Variants in TTC23 observed in about 807,000 individuals in gnomAD.
The protein encoded by TTC23 is tetratricopeptide repeat domain 23.
TTC23 carries 58 observed loss-of-function variants against 55.1 expected under a neutral mutation model. The observed-to-expected ratio is 1.05, with a 90% CI of 0.85 to 1.31. TTC23 has a LOEUF of 1.31. Among genes scored for constraint, TTC23 ranks in the 50% most tolerant of loss-of-function variants. The pLI, the probability that TTC23 is intolerant of heterozygous loss-of-function variation, is 0.00. For synonymous variants in TTC23, 203 were observed against 199.9 expected (o/e 1.02, Z -0.13); for missense variants, 516 against 534.4 (o/e 0.97, Z 0.34).
rs777380832 is a variant in TTC23, at chr15:99,228,745, TAAA to T, written c.-20-16_-20-14del. On this transcript the variant is annotated splice_polypyrimidine_tract_variant and intron_variant, in intron 4 of 13. Transcript: ENST00000394132. ...TATACATTGTCTTCTAATTTTAAAATAAAAAACAAAGATGTTAAATGATAATTT... is the reference window on the plus strand; with the variant it reads ...TATACATTGTCTTCTAATTTTAAAATAAACAAAGATGTTAAATGATAATTT... The T allele has an allele frequency of 1.3e-6, 2 of 1,511,484 alleles. No homozygotes were observed. The highest frequency in any genetic ancestry group is 1.8e-6 in the Non-Finnish European group (2 of 1,121,130). The allele number at this position is 1,511,484 out of a possible 1,614,324, so 93.6% of individuals were successfully genotyped here. A position where few individuals can be genotyped will look rare whatever the true frequency, so the allele number is the denominator to read the frequency against.
intron 12 of TTC23, among the ~76,000 whole-genome samples, chr15:99,152,614 T>A (rs141684466): frequency 1.3e-4 from 20 of 152,240 alleles, no homozygotes; most frequent in Admixed American, 9.8e-4. Flanking sequence ...TCAGGTGATC[T>A]GCCCAGCTCA....
chr15:99,142,277 A>G (rs1050111057), intron 12 of TTC23, among the ~76,000 whole-genome samples: 2 of 152,192 alleles, frequency 1.3e-5, no homozygotes, highest in Admixed American at 1.3e-4. Flanking sequence ...ACAGAGCAAG[A>G]GAGGCAAGAT....
At chr15:99,193,372 T>C (rs1375328178) in intron 9 of TTC23, among the ~76,000 whole-genome samples, 1 of 152,202 alleles carries the variant, frequency 6.6e-6, no homozygotes, top group South Asian at 2.1e-4. Flanking sequence ...TGGTGGGAGA[T>C]AACTGAATCA....
chr15:99,234,204 C>T (rs2079132573), intron 4 of TTC23, among the ~76,000 whole-genome samples: 1 of 152,046 alleles, frequency 6.6e-6, no homozygotes, highest in South Asian at 2.1e-4. Context: ...TAAATTTTTG[C>T]TCTTCAAGAG....
rs1279871495 is a variant in TTC23, at chr15:99,200,204, T to C, written c.582-108A>G. 4 of 1,039,510 alleles carry C rather than the reference T, an allele frequency of 3.8e-6. No individual in the cohort carries two copies. The East Asian group carries it at 8.4e-5, about 22-fold the overall frequency. 64.4% of individuals were successfully genotyped at this position (1,039,510 alleles called of 1,614,324 possible). A position where few individuals can be genotyped will look rare whatever the true frequency, so the allele number is the denominator to read the frequency against. ...GACTCTTTGATCCCTGGTGTTCAGG[T>C]TCGTTTCCTTGCTAACTAAGCATTT... is the stretch of plus-strand genomic sequence containing the variant. On this transcript the variant is annotated intron_variant, in intron 8 of 13. Coordinates refer to ENST00000394132, the MANE Select transcript of TTC23 (RefSeq NM_001288615.3).
intron 2 of TTC23, among the ~76,000 whole-genome samples, chr15:99,243,823 G>C (rs571817538): frequency 5.3e-5 from 8 of 152,284 alleles, no homozygotes; most frequent in African/African-American, 1.7e-4. Flanking sequence ...CAGAAGCTGG[G>C]AAGGGTATTG....
intron 12 of TTC23, 43 bp from the exon 13 acceptor site, chr15:99,139,442 G>C: frequency 6.2e-7 from 1 of 1,612,880 alleles, no homozygotes; most frequent in Non-Finnish European, 8.5e-7. Context: ...TGGAAGTGTC[G>C]CTGAGAGCAG....
chr15:99,237,208 C>G (rs1371660104), intron 3 of TTC23, among the ~76,000 whole-genome samples: 1 of 152,084 alleles, frequency 6.6e-6, no homozygotes, highest in Non-Finnish European at 1.5e-5. Flanking sequence ...TCTCAAACTC[C>G]TGACCTTAAG....
At position 99,202,229 on chromosome 15, in the gene TTC23, T is replaced by TC. The variant is rs2076257297; in HGVS notation, c.582-2134dup. 3.9e-5 allele frequency among the ~76,000 whole-genome samples: 6 copies of TC among 152,202 alleles called. No homozygotes were observed. In the South Asian group the frequency reaches 1.2e-3, roughly 32 times the overall value. The stretch of plus-strand genomic sequence containing the variant: ...CTTCTAAAATGATTTCAGATTTTTT[T>TC]CCACCTAATTTAGCCTAGAGAACTC... On this transcript the variant is annotated intron_variant, in intron 8 of 13. Coordinates refer to ENST00000394132, the MANE Select transcript of TTC23 (RefSeq NM_001288615.3).
intron 9 of TTC23, among the ~76,000 whole-genome samples, chr15:99,192,329 C>G (rs999760614): frequency 1.3e-5 from 2 of 152,158 alleles, no homozygotes; most frequent in African/African-American, 4.8e-5. Flanking sequence ...TGCACAGTCC[C>G]TCCCATCACA....
intron 10 of TTC23, among the ~76,000 whole-genome samples, chr15:99,166,541 G>A (rs1307433243): frequency 6.6e-6 from 1 of 152,198 alleles, no homozygotes; most frequent in Non-Finnish European, 1.5e-5. Flanking sequence ...AGGAAGGGAG[G>A]AGAGTGCGGA....
intron 12 of TTC23, among the ~76,000 whole-genome samples, chr15:99,150,642 C>T (rs1357865268): frequency 6.6e-6 from 1 of 152,218 alleles, no homozygotes; most frequent in Non-Finnish European, 1.5e-5. Context: ...GATAACCTTT[C>T]ACTTACTTGA....
At chr15:99,215,704 AC>A (rs1291005530) in intron 8 of TTC23, among the ~76,000 whole-genome samples, 1 of 152,004 alleles carries the variant, frequency 6.6e-6, no homozygotes, top group Non-Finnish European at 1.5e-5. Context: ...CCATGACCCC[AC>A]CACTGTACTC....
chr15:99,199,992 G>A lies in TTC23; in HGVS notation c.686C>T (p.Pro229Leu), dbSNP rs756273327. The A allele has an allele frequency of 8.1e-6, 13 of 1,613,650 alleles. No homozygotes were observed. Among genetic ancestry groups the A allele is most frequent in the African/African-American group, 2.7e-5 (2 of 74,804 alleles). Reference sequence around the variant, plus strand: ...TACACCTGCTAATTCTCTCAATATGGGTACACACTCACGACTTGTTTCACC... The same window carrying A: ...TACACCTGCTAATTCTCTCAATATGAGTACACACTCACGACTTGTTTCACC... ...SKGETSRECVPILRELAGVEQ... is the reference protein window; with the variant it reads ...SKGETSRECVLILRELAGVEQ... The change falls in exon 9 of 14, where the codon CCC becomes CTC. Residue 229 changes from proline (P) to leucine (L), a missense_variant. Coordinates refer to ENST00000394132, the MANE Select transcript of TTC23 (RefSeq NM_001288615.3).
chr15:99,170,557 T>C (rs968868314), intron 10 of TTC23, among the ~76,000 whole-genome samples: 1 of 152,184 alleles, frequency 6.6e-6, no homozygotes, highest in Non-Finnish European at 1.5e-5. Flanking sequence ...GAATTAGAAG[T>C]GACCAACGTC....
chr15:99,225,475 G>A (rs1238348), intron 5 of TTC23, among the ~76,000 whole-genome samples: 122,588 of 152,130 alleles, frequency 0.81, 49,679 homozygotes, highest in African/African-American at 0.89. Flanking sequence ...TGGTTAAACC[G>A]TAAGGGGATG....
At chr15:99,217,565 G>T (rs2077574373) in intron 8 of TTC23, among the ~76,000 whole-genome samples, 1 of 152,212 alleles carries the variant, frequency 6.6e-6, no homozygotes, top group Non-Finnish European at 1.5e-5. Context: ...TCTATGATGT[G>T]TGTGTAGGAG....
chr15:99,180,915 T>C (rs2074050426), intron 9 of TTC23, among the ~76,000 whole-genome samples: 1 of 152,178 alleles, frequency 6.6e-6, no homozygotes, highest in Admixed American at 6.5e-5. Flanking sequence ...AGGATCTCTT[T>C]GTACAGCTGA....
chr15:99,194,084 T>G (rs1225473631), intron 9 of TTC23, among the ~76,000 whole-genome samples: 1 of 152,128 alleles, frequency 6.6e-6, no homozygotes, highest in Non-Finnish European at 1.5e-5. Context: ...GCTGAGACGT[T>G]GAGGATAGAT....
Sources: gnomAD v4.1 joint callset for allele counts (sites outside exome capture counted in the v4.1 genomes callset) on GRCh38, gnomAD v4.1.1 for gene constraint, MANE v1.5 for transcripts, NCBI Gene and HGNC (gene_info 2026-07-23, HGNC 2026-07-21) for gene names.